REDIC1: variants seen among roughly 807,000 people sequenced by gnomAD.
The protein encoded by REDIC1 is HEI10 Interacting Protein 1.
the REDIC1 span, among the ~76,000 whole-genome samples, chr12:39,737,551 C>A: frequency 6.6e-6 from 1 of 152,188 alleles, no homozygotes. Flanking sequence ...ACCAAAGTAA[C>A]CTTATATGCA....
At chr12:39,886,539 G>A in the REDIC1 span, among the ~76,000 whole-genome samples, 7 of 151,956 alleles carry the variant, frequency 4.6e-5, no homozygotes, top group South Asian at 6.2e-4. Flanking sequence ...AGATCCCACC[G>A]AGAAGTATTG....
At chr12:39,713,305 C>CATACGTGTATATATGTGTACACACAT in the REDIC1 span, among the ~76,000 whole-genome samples, 4 of 18,708 alleles carry the variant, frequency 2.1e-4, no homozygotes, top group East Asian at 2.5e-3. Flanking sequence ...TGTACACACA[C>CATACGTGTATATATGTGTACACACAT]ATACGTGTAT....
chr12:39,747,072 C>T, the REDIC1 span, among the ~76,000 whole-genome samples: 2 of 152,186 alleles, frequency 1.3e-5, no homozygotes, highest in Non-Finnish European at 2.9e-5. Context: ...CAAAGCTGGA[C>T]AGAGAATGAC....
At chr12:39,669,525 G>A in the REDIC1 span, among the ~76,000 whole-genome samples, 7 of 152,216 alleles carry the variant, frequency 4.6e-5, no homozygotes, top group African/African-American at 1.7e-4. Context: ...GGCGCAGTCT[G>A]TCCATTCTGA....
At chr12:39,830,521 CTT>C in the REDIC1 span, 1 of 1,077,222 alleles carries the variant, frequency 9.3e-7, no homozygotes, top group East Asian at 6.2e-5. Flanking sequence ...AGCAAATAAA[CTT>C]TTGCTTTCCT....
At chr12:39,729,926 T>C in the REDIC1 span, among the ~76,000 whole-genome samples, 1 of 152,232 alleles carries the variant, frequency 6.6e-6, no homozygotes, top group African/African-American at 2.4e-5. Flanking sequence ...TCCTTCTTTC[T>C]CTTTTTTGAT....
At chr12:39,651,764 C>T in the REDIC1 span, among the ~76,000 whole-genome samples, 2 of 152,042 alleles carry the variant, frequency 1.3e-5, no homozygotes, top group African/African-American at 4.8e-5. Context: ...ATAAACTAAA[C>T]TTATTTAACT....
chr12:39,690,326 A>G, the REDIC1 span, among the ~76,000 whole-genome samples: 1 of 152,192 alleles, frequency 6.6e-6, no homozygotes, highest in East Asian at 1.9e-4. Flanking sequence ...AGAGGAGTAT[A>G]ATTATTTAAT....
At chr12:39,712,569 A>T in the REDIC1 span, among the ~76,000 whole-genome samples, 1 of 144,724 alleles carries the variant, frequency 6.9e-6, no homozygotes, top group African/African-American at 2.5e-5. Context: ...GTATATACGT[A>T]TATACGTATA....
the REDIC1 span, among the ~76,000 whole-genome samples, chr12:39,817,629 G>A: frequency 1.3e-5 from 2 of 152,156 alleles, no homozygotes; most frequent in African/African-American, 4.8e-5. Context: ...GAAAAAGTTA[G>A]CTGTACACAG....
At chr12:39,695,589 C>T in the REDIC1 span, among the ~76,000 whole-genome samples, 5 of 150,904 alleles carry the variant, frequency 3.3e-5, no homozygotes, top group Admixed American at 6.6e-5. Context: ...AAATAGAATA[C>T]CAGGTAGACT....
At chr12:39,880,916 G>T in the REDIC1 span, among the ~76,000 whole-genome samples, 1 of 152,124 alleles carries the variant, frequency 6.6e-6, no homozygotes, top group African/African-American at 2.4e-5. Flanking sequence ...CTATTAATTC[G>T]TTCTATAAAA....
chr12:39,903,942 CAA>C, the REDIC1 span, among the ~76,000 whole-genome samples: 4 of 152,146 alleles, frequency 2.6e-5, no homozygotes, highest in East Asian at 7.7e-4. Flanking sequence ...GACTAAAGAA[CAA>C]CAGACAGGAT....
At chr12:39,883,171 C>T in the REDIC1 span, among the ~76,000 whole-genome samples, 9 of 151,950 alleles carry the variant, frequency 5.9e-5, no homozygotes, top group African/African-American at 9.7e-5. Context: ...TAATAAGTAA[C>T]GCTCATAAGA....
the REDIC1 span, among the ~76,000 whole-genome samples, chr12:39,633,891 T>C: frequency 6.6e-6 from 1 of 152,234 alleles, no homozygotes; most frequent in Admixed American, 6.5e-5. Flanking sequence ...CAATTACATT[T>C]TAAAAGATTT....
the REDIC1 span, among the ~76,000 whole-genome samples, chr12:39,835,453 A>T: frequency 3.7e-4 from 56 of 152,288 alleles, no homozygotes; most frequent in Non-Finnish European, 5.6e-4. Flanking sequence ...TTACATTTAT[A>T]AGAGAAATGA....
chr12:39,713,329 C>T, the REDIC1 span, among the ~76,000 whole-genome samples: 2 of 141,952 alleles, frequency 1.4e-5, no homozygotes, highest in East Asian at 2.1e-4. Flanking sequence ...TGTGTATACA[C>T]ATATACGTGT....
At chr12:39,896,680 A>G in the REDIC1 span, among the ~76,000 whole-genome samples, 2 of 151,858 alleles carry the variant, frequency 1.3e-5, no homozygotes, top group South Asian at 4.1e-4. Context: ...AAATATTAAT[A>G]TCCCTCGTTA....
the REDIC1 span, among the ~76,000 whole-genome samples, chr12:39,698,111 G>C: frequency 1.3e-5 from 2 of 152,212 alleles, no homozygotes. Flanking sequence ...GTAGCTACAC[G>C]TATATTAGAC....
Sources: allele counts gnomAD v4.1 joint callset (sites outside exome capture counted in the v4.1 genomes callset), GRCh38; gene constraint gnomAD v4.1.1; transcripts MANE v1.5; gene names NCBI Gene and HGNC (gene_info 2026-07-23, HGNC 2026-07-21).